The following ZNF99 variants were observed in gnomAD, a reference collection of about 807,000 sequenced individuals.
ZNF99 encodes the protein zinc finger protein 99.
A neutral mutation model predicts 12.8 loss-of-function variants in ZNF99; 8 were observed. The observed-to-expected ratio is 0.62, with a 90% CI of 0.37 to 1.13. The LOEUF (loss-of-function observed/expected upper bound fraction) is 1.13, where lower values mean the gene tolerates loss of function less well. Ranked by LOEUF, ZNF99 falls within the 50% of genes most tolerant of loss-of-function variation. ZNF99 has a pLI of 0.02. For missense variants in ZNF99, 1,007 were observed against 1,006.2 expected, an observed-to-expected ratio of 1.00 and a Z score of -0.01; for synonymous variants, 318 against 319.0, an observed-to-expected ratio of 1.00 and a Z score of 0.03.
intron 1 of ZNF99, among the ~76,000 whole-genome samples, chr19:22,781,663 A>G (rs899921338): frequency 1.6e-4 from 24 of 152,040 alleles, no homozygotes; most frequent in African/African-American, 5.8e-4. Flanking sequence ...TTTCAAAGGA[A>G]GAGTATACCA....
At chr19:22,779,844 T>C (rs1275292067) in intron 1 of ZNF99, among the ~76,000 whole-genome samples, 1 of 152,206 alleles carries the variant, frequency 6.6e-6, no homozygotes, top group Non-Finnish European at 1.5e-5. Context: ...TCCTTAAAGA[T>C]CTTATAGTTG....
chr19:22,753,839 TTAAA>T lies in ZNF99; in HGVS notation c.*3471_*3474del, dbSNP rs1282919661. On this transcript the variant is annotated 3_prime_UTR_variant, in exon 4 of 4. Transcript: ENST00000596209. Reference sequence around the variant, plus strand: ...CTATGCGATAAGGTGTGAGTATTGGTTAAATATTTTGCCACATTCTTCATAGTTT... The same window carrying T: ...CTATGCGATAAGGTGTGAGTATTGGTTATTTTGCCACATTCTTCATAGTTT... 3.3e-5 allele frequency: 10 copies of T among 301,700 alleles called. No homozygotes were observed. In the East Asian group the frequency reaches 8.2e-4, roughly 25 times the overall value. The allele number at this position is 301,700 out of a possible 1,614,324, so 18.7% of individuals were successfully genotyped here. A position where few individuals can be genotyped will look rare whatever the true frequency, so the allele number is the denominator to read the frequency against.
Position 22,756,356 on chromosome 19 carries a change from C to T in ZNF99, c.*958G>A. ...GTGTGAGGACTGGTTAAAGGCTTTG[C>T]CACATTCTTCACATTTGTAGGGTTT... is the stretch of plus-strand genomic sequence containing the variant. On this transcript the variant is annotated 3_prime_UTR_variant, in exon 4 of 4. Transcript: ENST00000596209. 3 of 1,596,604 alleles carry T rather than the reference C, an allele frequency of 1.9e-6. No homozygotes were observed. Among genetic ancestry groups the T allele is most frequent in the Non-Finnish European group, 1.7e-6 (2 of 1,174,436 alleles).
intron 2 of ZNF99, 145 bp from the exon 3 acceptor site, chr19:22,768,545 T>G (rs1266677728): frequency 2.9e-6 from 2 of 687,044 alleles, no homozygotes; most frequent in Non-Finnish European, 4.4e-6. Flanking sequence ...TAGAAAATAT[T>G]TTCAATTTGT....
At position 22,755,869 on chromosome 19, in the gene ZNF99, T is replaced by C. The variant is rs1973043623; in HGVS notation, c.*1445A>G. The stretch of plus-strand genomic sequence containing the variant: ...AGCTTTGCCATATTATTCACATTTG[T>C]GGAGTTTATCTTCTTTAGGAATTCT... On this transcript the variant is annotated 3_prime_UTR_variant, in exon 4 of 4. Transcript: ENST00000596209. 1 of 333,898 alleles carries C rather than the reference T, an allele frequency of 3.0e-6. No individual in the cohort carries two copies. The highest frequency in any genetic ancestry group is 5.9e-6 in the Non-Finnish European group (1 of 168,690). The allele number at this position is 333,898 out of a possible 1,614,324, so 20.7% of individuals were successfully genotyped here.
intron 1 of ZNF99, among the ~76,000 whole-genome samples, chr19:22,780,816 T>C (rs1323775348): frequency 1.3e-5 from 2 of 150,932 alleles, no homozygotes; most frequent in African/African-American, 4.8e-5. Context: ...ATAGTCACTG[T>C]TACAAATTTA....
At chr19:22,767,745 T>C (rs531944326) in intron 3 of ZNF99, among the ~76,000 whole-genome samples, 1 of 152,196 alleles carries the variant, frequency 6.6e-6, no homozygotes, top group South Asian at 2.1e-4. Flanking sequence ...GTAGATAACA[T>C]TATGGACTGT....
chr19:22,763,952 A>G (rs531330246), intron 3 of ZNF99, among the ~76,000 whole-genome samples: 13 of 113,952 alleles, frequency 1.1e-4, no homozygotes, highest in African/African-American at 4.8e-4. Context: ...TCTGTCACCC[A>G]GGCTGGAGTG....
At chr19:22,770,030 G>A in intron 1 of ZNF99, 1 of 1,313,078 alleles carries the variant, frequency 7.6e-7, no homozygotes, top group African/African-American at 1.5e-5. Flanking sequence ...CAATTAACTG[G>A]AGATCTTGTT....
At chr19:22,767,389 C>T (rs1383595584) in intron 3 of ZNF99, among the ~76,000 whole-genome samples, 1 of 152,028 alleles carries the variant, frequency 6.6e-6, no homozygotes, top group Non-Finnish European at 1.5e-5. Flanking sequence ...AGCACTGAGT[C>T]AAATAGTCTG....
Position 22,753,937 on chromosome 19 carries a change from C to G in ZNF99, c.*3377G>C, listed in dbSNP as rs767033795. 2 of 432,234 alleles carry G rather than the reference C, an allele frequency of 4.6e-6. No individual in the cohort carries two copies. Among genetic ancestry groups the G allele is most frequent in the East Asian group, 7.1e-5 (1 of 14,098 alleles). 26.8% of individuals were successfully genotyped at this position (432,234 alleles called of 1,614,324 possible). On this transcript the variant is annotated 3_prime_UTR_variant, in exon 4 of 4. Transcript: ENST00000596209. ...AAAGGCTTTGTGACATGACTCACAT[C>G]TAGGGCTTCTTGACACTATGATTTC...
chr19:22,778,157 TA>T (rs369829907), intron 1 of ZNF99, among the ~76,000 whole-genome samples: 418 of 96,346 alleles, frequency 4.3e-3, no homozygotes, highest in African/African-American at 0.018. Flanking sequence ...GAACTTAAAT[TA>T]AAAAAAAAAA....
Position 22,758,805 on chromosome 19 carries a change from G to A in ZNF99, c.1104C>T (p.Pro368=), listed in dbSNP as rs1973112039. Residue 368 remains proline, a synonymous_variant, in exon 4 of 4, where the codon CCC becomes CCT. Coordinates refer to ENST00000596209, the MANE Select transcript of ZNF99 (RefSeq NM_001080409.3). ...CTTTGCCGCATTCTTCATATTTGTA[G>A]GGTTTCTCTTCAGTATGAATTATCT... ...KHEIIHTEEK[P]YKYEECGKAF... 6.2e-7 allele frequency: 1 copy of A among 1,603,380 alleles called. No homozygotes were observed. The highest frequency in any genetic ancestry group is 8.5e-7 in the Non-Finnish European group (1 of 1,173,336).
intron 1 of ZNF99, 93 bp downstream of exon 1, chr19:22,783,921 A>C (rs959871552): frequency 2.6e-4 from 393 of 1,517,950 alleles, no homozygotes; most frequent in Non-Finnish European, 2.7e-4. Context: ...TGTGGAGCTC[A>C]CTGAGGGGAG....
At chr19:22,771,248 T>A (rs1197863272) in intron 1 of ZNF99, 1 of 71,902 alleles carries the variant, frequency 1.4e-5, no homozygotes, top group Non-Finnish European at 2.6e-5. Context: ...AGCATTTTCT[T>A]TTTTTTTTTT....
At chr19:22,783,040 G>A (rs142300455) in intron 1 of ZNF99, among the ~76,000 whole-genome samples, 23 of 152,214 alleles carry the variant, frequency 1.5e-4, no homozygotes, top group Non-Finnish European at 2.8e-4. Flanking sequence ...AGCACTCTGG[G>A]AGGCGGAGGA....
rs1171777410 is a variant in ZNF99 at position 22,754,680 on chromosome 19, A to G, written c.*2634T>C. The stretch of plus-strand genomic sequence containing the variant: ...TTTGTAGGGCTAGTTTCCATTATGA[A>G]TTATCTTATGTTCAGTAAGGTTTGA... On this transcript the variant is annotated 3_prime_UTR_variant, in exon 4 of 4. Transcript: ENST00000596209. The G allele has an allele frequency of 1.2e-5, 4 of 322,706 alleles. No individual in the cohort carries two copies. The highest frequency in any genetic ancestry group is 2.2e-5 in the African/African-American group (1 of 45,244). 20.0% of individuals were successfully genotyped at this position (322,706 alleles called of 1,614,324 possible). A position where few individuals can be genotyped will look rare whatever the true frequency, so the allele number is the denominator to read the frequency against.
intron 3 of ZNF99, among the ~76,000 whole-genome samples, chr19:22,762,936 G>A (rs919423771): frequency 3.3e-5 from 5 of 152,026 alleles, no homozygotes; most frequent in African/African-American, 7.2e-5. Flanking sequence ...ATCCAGCAAC[G>A]CTTTATGATT....
At chr19:22,783,933 C>T in intron 1 of ZNF99, 81 bp downstream of exon 1, 1 of 1,574,688 alleles carries the variant, frequency 6.4e-7, no homozygotes, top group Non-Finnish European at 8.7e-7. Context: ...TGAGGGGAGG[C>T]CTGAGTCCCG....
Sources: gnomAD v4.1 joint callset for allele counts (sites outside exome capture counted in the v4.1 genomes callset) on GRCh38, gnomAD v4.1.1 for gene constraint, MANE v1.5 for transcripts, NCBI Gene and HGNC (gene_info 2026-07-23, HGNC 2026-07-21) for gene names.